Variants in ARHGAP10 observed in about 807,000 individuals in gnomAD.
ARHGAP10 encodes Rho GTPase activating protein 10.
In ARHGAP10, 87 loss-of-function variants were observed where a neutral mutation model predicts 108.6. The ratio of observed to expected loss-of-function variants is 0.80; its 90% confidence interval spans 0.67 to 0.96. ARHGAP10 has a LOEUF of 0.96. Among genes scored for constraint, ARHGAP10 ranks in the 40% least tolerant of loss-of-function variants. ARHGAP10 has a pLI of 0.00. For synonymous variants in ARHGAP10, 347 were observed against 341.1 expected (o/e 1.02, Z -0.19); for missense variants, 939 against 954.5 (o/e 0.98, Z 0.21).
intron 18 of ARHGAP10, among the ~76,000 whole-genome samples, chr4:148,008,534 T>TA (rs1292347676): frequency 6.6e-6 from 1 of 151,594 alleles, no homozygotes; most frequent in Non-Finnish European, 1.5e-5. Flanking sequence ...TTGAACATCT[T>TA]ACAGTGCACA....
intron 4 of ARHGAP10, among the ~76,000 whole-genome samples, chr4:147,851,476 GTT>G (rs965337738): frequency 5.3e-5 from 8 of 152,146 alleles, no homozygotes; most frequent in African/African-American, 1.9e-4. Flanking sequence ...GCCTTCCAAA[GTT>G]CTGGGATTAC....
chr4:148,014,358 A>G (rs1218752096), intron 18 of ARHGAP10, among the ~76,000 whole-genome samples: 1 of 152,212 alleles, frequency 6.6e-6, no homozygotes, highest in Admixed American at 6.5e-5. Context: ...AAATGTTTGC[A>G]GGTGCAAATT....
At chr4:147,822,614 A>G (rs985670257) in intron 1 of ARHGAP10, 113 bp from the exon 2 acceptor site, 3 of 1,069,506 alleles carry the variant, frequency 2.8e-6, no homozygotes, top group African/African-American at 3.2e-5. Context: ...ATGCCTTCTC[A>G]TAGATTGAGC....
chr4:148,031,188 A>G (rs1578807771), intron 19 of ARHGAP10, among the ~76,000 whole-genome samples: 1 of 152,340 alleles, frequency 6.6e-6, no homozygotes. Flanking sequence ...TTAAAGAGAA[A>G]TAGTGATTAT....
chr4:147,982,365 CT>C (rs70958599), intron 18 of ARHGAP10, among the ~76,000 whole-genome samples: 58,815 of 124,278 alleles, frequency 0.47, 9,558 homozygotes, highest in East Asian at 0.56. Context: ...TTCTTTCTTT[CT>C]TTTTTTTTTT....
At chr4:147,744,949 G>GA (rs1451666278) in intron 1 of ARHGAP10, among the ~76,000 whole-genome samples, 1 of 152,140 alleles carries the variant, frequency 6.6e-6, no homozygotes, top group Non-Finnish European at 1.5e-5. Context: ...AGAAGGCAGG[G>GA]AGAGGGTCAG....
In ARHGAP10 at chr4:147,777,984, A is replaced by G. The variant is rs190825346; in HGVS notation, c.155-44743A>G. ...GTGTGTAGTTACTGTTCATTAGTCT[A>G]TGCATGGCACTCAACTAGATGACAT... is the stretch of plus-strand genomic sequence containing the variant. On this transcript the variant is annotated intron_variant, in intron 1 of 22. Coordinates refer to ENST00000336498, the MANE Select transcript of ARHGAP10 (RefSeq NM_024605.4). Among the ~76,000 whole-genome samples, 20 of 152,286 alleles carry G rather than the reference A, an allele frequency of 1.3e-4. No individual in the cohort carries two copies. In the East Asian group the frequency reaches 2.9e-3, roughly 22 times the overall value.
In ARHGAP10 at chr4:147,889,277, A is replaced by G. The variant is rs1010486789; in HGVS notation, c.1034+7345A>G. On this transcript the variant is annotated intron_variant, in intron 10 of 22. Transcript: ENST00000336498. ...GGTATTATAAATGGATTTCTGATGC[A>G]GTTTGTACAAGGTTCGTATTGGGTA... is the stretch of plus-strand genomic sequence containing the variant. Among the ~76,000 whole-genome samples the G allele has an allele frequency of 7.2e-5, 11 of 152,198 alleles. No individual in the cohort carries two copies. The South Asian group carries it at 8.3e-4, about 11-fold the overall frequency.
intron 4 of ARHGAP10, among the ~76,000 whole-genome samples, chr4:147,851,674 A>G (rs1733881512): frequency 6.6e-6 from 1 of 152,266 alleles, no homozygotes; most frequent in African/African-American, 2.4e-5. Context: ...ATTCAGTAAT[A>G]AAACACACTA....
Position 147,754,620 on chromosome 4 carries a change from AT to A in ARHGAP10, c.154+22176del, listed in dbSNP as rs554961190. The stretch of plus-strand genomic sequence containing the variant: ...AACATACTGAATGTAATTGTATTCA[AT>A]TTTTTTTTTTGTCTTTCACCAGCTA... On this transcript the variant is annotated intron_variant, in intron 1 of 22. Coordinates refer to ENST00000336498, the MANE Select transcript of ARHGAP10 (RefSeq NM_024605.4). Among the ~76,000 whole-genome samples the A allele has an allele frequency of 8.9e-4, 132 of 148,106 alleles. 1 individual carries two copies. The highest frequency in any genetic ancestry group is 5.8e-3 in the South Asian group (27 of 4,690).
In ARHGAP10 at chr4:148,070,930, A is replaced by G. The variant is rs111390651; in HGVS notation, c.2273-1063A>G. Among the ~76,000 whole-genome samples, 63 of 152,088 alleles carry G rather than the reference A, an allele frequency of 4.1e-4. 1 individual carries two copies. Among genetic ancestry groups the G allele is most frequent in the African/African-American group, 1.5e-3 (62 of 41,478 alleles). Reference sequence around the variant, plus strand: ...CCGAACACTGGTGAGGAGTGCTTGGACCTGTGCCCTTTGCTGTCCAGGCTG... The same window carrying G: ...CCGAACACTGGTGAGGAGTGCTTGGGCCTGTGCCCTTTGCTGTCCAGGCTG... On this transcript the variant is annotated intron_variant, in intron 22 of 22. Coordinates refer to ENST00000336498, the MANE Select transcript of ARHGAP10 (RefSeq NM_024605.4).
chr4:147,773,497 T>C (rs1730157356), intron 1 of ARHGAP10, among the ~76,000 whole-genome samples: 1 of 152,256 alleles, frequency 6.6e-6, no homozygotes, highest in Non-Finnish European at 1.5e-5. Flanking sequence ...AACAGTGTTA[T>C]GTTTTACAGC....
intron 18 of ARHGAP10, among the ~76,000 whole-genome samples, chr4:148,007,687 G>C (rs955752190): frequency 1.3e-5 from 2 of 152,164 alleles, no homozygotes; most frequent in African/African-American, 4.8e-5. Context: ...AATTCGGAAG[G>C]CTTTTCCCCT....
chr4:148,060,113 A>G (rs1261677970), intron 20 of ARHGAP10, among the ~76,000 whole-genome samples: 1 of 152,126 alleles, frequency 6.6e-6, no homozygotes, highest in Non-Finnish European at 1.5e-5. Context: ...TCCTTTGCTT[A>G]TGGGCTGCCA....
intron 18 of ARHGAP10, among the ~76,000 whole-genome samples, chr4:148,013,379 G>A (rs762117381): frequency 1.3e-5 from 2 of 152,174 alleles, no homozygotes; most frequent in Admixed American, 6.5e-5. Context: ...TTTCCTTTTG[G>A]AGAATGAAGA....
At chr4:148,034,662 C>T (rs1327606509) in intron 19 of ARHGAP10, among the ~76,000 whole-genome samples, 1 of 152,014 alleles carries the variant, frequency 6.6e-6, no homozygotes, top group Non-Finnish European at 1.5e-5. Context: ...TTTCCTTCTT[C>T]TTAGATGAGA....
At chr4:147,808,278 G>T (rs1260935166) in intron 1 of ARHGAP10, among the ~76,000 whole-genome samples, 1 of 152,006 alleles carries the variant, frequency 6.6e-6, no homozygotes, top group African/African-American at 2.4e-5. Context: ...ATTCTAGGAG[G>T]AAGGCAGAGC....
chr4:147,938,799 T>C (rs1216230162), intron 13 of ARHGAP10, among the ~76,000 whole-genome samples: 1 of 152,212 alleles, frequency 6.6e-6, no homozygotes, highest in Non-Finnish European at 1.5e-5. Context: ...ACCTTTAACA[T>C]TCGTAGCGGA....
intron 13 of ARHGAP10, among the ~76,000 whole-genome samples, chr4:147,930,867 A>G (rs998221956): frequency 6.6e-6 from 1 of 151,760 alleles, no homozygotes; most frequent in Non-Finnish European, 1.5e-5. Flanking sequence ...CTTAAGTTTT[A>G]TTTTTCTTTT....
Sources: allele counts gnomAD v4.1 joint callset (sites outside exome capture counted in the v4.1 genomes callset), GRCh38; gene constraint gnomAD v4.1.1; transcripts MANE v1.5; gene names NCBI Gene and HGNC (gene_info 2026-07-23, HGNC 2026-07-21).